The following KLC1 variants were observed in gnomAD, a reference collection of about 807,000 sequenced individuals.
KLC1 encodes kinesin light chain 1.
Under a neutral mutation model 84.2 loss-of-function variants are expected in KLC1, and 30 were observed. The observed-to-expected ratio is 0.36, with a 90% CI of 0.27 to 0.48. The LOEUF (loss-of-function observed/expected upper bound fraction) is 0.48. Ranked by LOEUF, KLC1 falls within the 20% of genes least tolerant of loss-of-function variation. KLC1 has a pLI of 0.99. For synonymous variants in KLC1, 289 were observed against 293.3 expected, an observed-to-expected ratio of 0.99 and a Z score of 0.15; for missense variants, 499 against 805.4, an observed-to-expected ratio of 0.62 and a Z score of 4.60.
intron 15 of KLC1, chr14:103,695,225 A>G: frequency 1.3e-6 from 1 of 761,450 alleles, no homozygotes; most frequent in Non-Finnish European, 1.6e-6. Flanking sequence ...GCACTTTGGG[A>G]GGCTGAGGCG....
At chr14:103,672,992 A>G (rs1379520843) in intron 7 of KLC1, 22 bp from the exon 8 acceptor site, 1 of 1,611,178 alleles carries the variant, frequency 6.2e-7, no homozygotes, top group Admixed American at 1.7e-5. Flanking sequence ...AGTGTCTCTA[A>G]TATGCTGTTT....
intron 1 of KLC1, among the ~76,000 whole-genome samples, chr14:103,642,551 C>G (rs1003890790): frequency 2.0e-5 from 3 of 152,052 alleles, no homozygotes; most frequent in East Asian, 1.9e-4. Context: ...CAAAACAAAT[C>G]AGAACTCTTT....
intron 1 of KLC1, among the ~76,000 whole-genome samples, chr14:103,644,131 C>T (rs1053780506): frequency 6.7e-6 from 1 of 150,260 alleles, no homozygotes; most frequent in Non-Finnish European, 1.5e-5. Flanking sequence ...AGGAGAATGG[C>T]CTGAACCTGG....
chr14:103,645,494 G>A (rs2077848310), intron 1 of KLC1, among the ~76,000 whole-genome samples: 1 of 152,156 alleles, frequency 6.6e-6, no homozygotes, highest in African/African-American at 2.4e-5. Flanking sequence ...TAATGCAGTT[G>A]TGTGTGTGTT....
intron 3 of KLC1, 38 bp from the exon 4 acceptor site, chr14:103,662,078 C>T (rs557976324): frequency 1.7e-5 from 24 of 1,387,038 alleles, no homozygotes; most frequent in East Asian, 2.3e-5. Context: ...GTGTATAGCA[C>T]GTGTAAGATG....
intron 5 of KLC1, among the ~76,000 whole-genome samples, chr14:103,665,074 A>G (rs918038639): frequency 6.6e-6 from 1 of 152,024 alleles, no homozygotes; most frequent in Non-Finnish European, 1.5e-5. Context: ...AAAAAATAGT[A>G]GCTACATATG....
At chr14:103,652,531 G>T (rs2078532218) in intron 1 of KLC1, among the ~76,000 whole-genome samples, 1 of 150,816 alleles carries the variant, frequency 6.6e-6, no homozygotes. Flanking sequence ...TTCCTCTGTT[G>T]CCCAGGCTGG....
intron 1 of KLC1, among the ~76,000 whole-genome samples, chr14:103,648,241 G>T (rs1033578867): frequency 2.0e-5 from 3 of 152,078 alleles, no homozygotes; most frequent in Non-Finnish European, 4.4e-5. Context: ...GAGCCACCGC[G>T]CCCAGCCTGT....
intron 1 of KLC1, among the ~76,000 whole-genome samples, chr14:103,636,033 A>G (rs2077015971): frequency 6.6e-6 from 1 of 152,098 alleles, no homozygotes; most frequent in African/African-American, 2.4e-5. Flanking sequence ...GTACCATTTT[A>G]ACCATTTAAA....
intron 11 of KLC1, 96 bp from the exon 12 acceptor site, chr14:103,677,319 A>G (rs2080986952): frequency 3.8e-6 from 3 of 781,572 alleles, no homozygotes; most frequent in Non-Finnish European, 6.7e-6. Context: ...TTCAAGCCAA[A>G]ACAGAAGTCT....
chr14:103,672,119 T>A (rs191536569), intron 7 of KLC1, among the ~76,000 whole-genome samples: 10 of 152,240 alleles, frequency 6.6e-5, no homozygotes, highest in Non-Finnish European at 1.0e-4. Flanking sequence ...TGTGGGCTTC[T>A]GCGGGCCAGA....
intron 5 of KLC1, among the ~76,000 whole-genome samples, chr14:103,663,155 C>T (rs1441154500): frequency 6.6e-6 from 1 of 151,078 alleles, no homozygotes; most frequent in Non-Finnish European, 1.5e-5. Context: ...TCTCGGTTCA[C>T]TGCAAGCTCC....
At chr14:103,669,135 AT>A (rs1229343553) in intron 5 of KLC1, among the ~76,000 whole-genome samples, 11 of 151,888 alleles carry the variant, frequency 7.2e-5, no homozygotes, top group African/African-American at 2.7e-4. Flanking sequence ...TGAAAATTAC[AT>A]TTAAAAAAGC....
chr14:103,644,636 A>G (rs1396527011), intron 1 of KLC1, among the ~76,000 whole-genome samples: 3 of 152,072 alleles, frequency 2.0e-5, no homozygotes, highest in Non-Finnish European at 2.9e-5. Context: ...GCTCACGCCT[A>G]TAATCCCAGT....
intron 1 of KLC1, among the ~76,000 whole-genome samples, chr14:103,648,842 A>C (rs573616539): frequency 6.6e-6 from 1 of 152,260 alleles, no homozygotes; most frequent in Non-Finnish European, 1.5e-5. Flanking sequence ...ATACATGTCA[A>C]AATGGCACAG....
intron 3 of KLC1, among the ~76,000 whole-genome samples, 195 bp downstream of exon 3, chr14:103,657,971 T>C (rs902124785): frequency 1.3e-5 from 2 of 152,202 alleles, no homozygotes; most frequent in Non-Finnish European, 2.9e-5. Flanking sequence ...CCGAGGTCTG[T>C]CCCGAGGTCT....
At chr14:103,632,580 G>T (rs1461267079) in intron 1 of KLC1, among the ~76,000 whole-genome samples, 1 of 152,004 alleles carries the variant, frequency 6.6e-6, no homozygotes, top group African/African-American at 2.4e-5. Flanking sequence ...CCAAAACCGG[G>T]TGTGGTGGCG....
chr14:103,665,523 C>T (rs1289153149), intron 5 of KLC1, among the ~76,000 whole-genome samples: 2 of 152,158 alleles, frequency 1.3e-5, no homozygotes, highest in Admixed American at 6.5e-5. Context: ...CAACCTCAGC[C>T]TCTGGAGTTC....
chr14:103,649,176 A>G (rs537663489), intron 1 of KLC1, among the ~76,000 whole-genome samples: 1 of 151,576 alleles, frequency 6.6e-6, no homozygotes, highest in South Asian at 2.1e-4. Flanking sequence ...AATTGCCTAT[A>G]CTCCTAGCTC....
Sources: allele counts gnomAD v4.1 joint callset (sites outside exome capture counted in the v4.1 genomes callset), GRCh38; gene constraint gnomAD v4.1.1; transcripts MANE v1.5; gene names NCBI Gene and HGNC (gene_info 2026-07-23, HGNC 2026-07-21).